B3GALT5: variants seen among roughly 807,000 people sequenced by gnomAD.
B3GALT5 encodes beta-1,3-galactosyltransferase 5, also known as UDP-Gal:betaGlcNAc beta 1,3-galactosyltransferase, polypeptide 5.
For synonymous variants in B3GALT5, 156 were observed against 158.6 expected (o/e 0.98, Z 0.12); for missense variants, 328 against 396.6 (o/e 0.83, Z 1.47).
Position 39,642,873 on chromosome 21 carries a change from CAAAA to C in B3GALT5, c.-391-3504_-391-3501del, listed in dbSNP as rs1210751363. Among the ~76,000 whole-genome samples the C allele has an allele frequency of 6.1e-3, 613 of 100,080 alleles. 7 individuals are homozygous for C. Among genetic ancestry groups the C allele is most frequent in the African/African-American group, 0.019 (581 of 29,980 alleles). 65.7% of individuals were successfully genotyped at this position (100,080 alleles called of 152,430 possible). A position where few individuals can be genotyped will look rare whatever the true frequency, so the allele number is the denominator to read the frequency against. On this transcript the variant is annotated intron_variant, in intron 1 of 3. Coordinates refer to ENST00000684187, the MANE Select transcript of B3GALT5 (RefSeq NM_001356336.2). Reference sequence around the variant, plus strand: ...CAACATAACGAGACTCCCATTGCCACAAAAAAAAAAAAAAAAAAGAAAAGAAAAG... The same window carrying C: ...CAACATAACGAGACTCCCATTGCCACAAAAAAAAAAAAAAGAAAAGAAAAG...
chr21:39,618,255 A>C (rs1001278821), intron 1 of B3GALT5, among the ~76,000 whole-genome samples: 2 of 152,220 alleles, frequency 1.3e-5, no homozygotes, highest in African/African-American at 4.8e-5. Context: ...AAAATGCTAT[A>C]ATAAACATTC....
Position 39,664,029 on chromosome 21 carries a change from T to C in B3GALT5, c.*2537T>C, listed in dbSNP as rs2079555183. On this transcript the variant is annotated 3_prime_UTR_variant, in exon 4 of 4. Coordinates refer to ENST00000684187, the MANE Select transcript of B3GALT5 (RefSeq NM_001356336.2). ...GGCAGGTGCTGAGCTAGGGGCTGTG[T>C]AGGTATTGCCTCATCTACATGCTCT... The C allele has an allele frequency of 6.6e-6, 1 of 152,338 alleles. No homozygotes were observed. Among genetic ancestry groups the C allele is most frequent in the Admixed American group, 6.5e-5 (1 of 15,288 alleles). The allele number at this position is 152,338 out of a possible 1,614,324, so 9.4% of individuals were successfully genotyped here. A position where few individuals can be genotyped will look rare whatever the true frequency, so the allele number is the denominator to read the frequency against.
intron 2 of B3GALT5, among the ~76,000 whole-genome samples, chr21:39,658,419 T>C (rs897878680): frequency 2.6e-5 from 4 of 152,110 alleles, no homozygotes; most frequent in African/African-American, 7.2e-5. Context: ...AAGCAACCCA[T>C]AGAAAAGGAG....
At chr21:39,648,184 A>G (rs977732155) in intron 2 of B3GALT5, among the ~76,000 whole-genome samples, 1 of 152,204 alleles carries the variant, frequency 6.6e-6, no homozygotes, top group Non-Finnish European at 1.5e-5. Flanking sequence ...AAAATCATTC[A>G]GTGTTATTTG....
intron 1 of B3GALT5, among the ~76,000 whole-genome samples, 200 bp from the exon 2 acceptor site, chr21:39,646,192 T>C (rs1183558104): frequency 6.6e-6 from 1 of 152,092 alleles, no homozygotes; most frequent in East Asian, 1.9e-4. Context: ...GGACTACTGC[T>C]TCTCAACACT....
At chr21:39,656,620 T>C (rs895387078) in intron 2 of B3GALT5, among the ~76,000 whole-genome samples, 5 of 152,188 alleles carry the variant, frequency 3.3e-5, no homozygotes, top group African/African-American at 2.4e-5. Flanking sequence ...AGGAAGTGCA[T>C]CTTGAACTTA....
At chr21:39,660,468 A>G in intron 3 of B3GALT5, 92 bp from the exon 4 acceptor site, 1 of 1,138,926 alleles carries the variant, frequency 8.8e-7, no homozygotes, top group Middle Eastern at 2.2e-4. Flanking sequence ...TTTCCAAAAC[A>G]CGGGTCTCCT....
rs762547834 is a variant in B3GALT5 at position 39,661,463 on chromosome 21, T to TC, written c.907dup (p.Arg303ProfsTer22). On this transcript the variant is annotated frameshift_variant, in exon 4 of 4. Coordinates refer to ENST00000684187, the MANE Select transcript of B3GALT5 (RefSeq NM_001356336.2). LOFTEE classifies it high-confidence loss of function. The surrounding 1 kb of genome is among the most constrained non-coding windows in gnomAD (Gnocchi z 4.7). ...GGACTACTGGCAGGCTCTAGAGAAT[T>TC]CCCGGGGGGAAGATTGTCCGCCTGT... The TC allele has an allele frequency of 2.0e-6, 3 of 1,510,302 alleles. No homozygotes were observed. The highest frequency in any genetic ancestry group is 1.4e-5 in the African/African-American group (1 of 71,566). The allele number at this position is 1,510,302 out of a possible 1,614,324, so 93.6% of individuals were successfully genotyped here. A position where few individuals can be genotyped will look rare whatever the true frequency, so the allele number is the denominator to read the frequency against.
intron 3 of B3GALT5, 93 bp from the exon 4 acceptor site, chr21:39,660,467 C>A: frequency 8.8e-7 from 1 of 1,134,444 alleles, no homozygotes; most frequent in Non-Finnish European, 1.2e-6. Context: ...GTTTCCAAAA[C>A]ACGGGTCTCC....
chr21:39,630,366 A>AG (rs543479509), intron 1 of B3GALT5: 2 of 152,068 alleles, frequency 1.3e-5, no homozygotes, highest in African/African-American at 2.4e-5. Flanking sequence ...CAAATGTTGG[A>AG]GGGGGGTTTT....
chr21:39,635,661 G>A (rs981860757), intron 1 of B3GALT5, among the ~76,000 whole-genome samples: 1 of 152,016 alleles, frequency 6.6e-6, no homozygotes, highest in East Asian at 1.9e-4. Flanking sequence ...TATTTTTTTA[G>A]TAAAGACAGG....
At chr21:39,660,426 A>G in intron 3 of B3GALT5, 134 bp from the exon 4 acceptor site, 1 of 644,428 alleles carries the variant, frequency 1.6e-6, no homozygotes. Context: ...ACCACACAGC[A>G]CCCGACTTCT....
In B3GALT5 at chr21:39,666,719, A is replaced by T. The variant is rs987375; in HGVS notation, c.*5227A>T. 1.3e-5 allele frequency: 2 copies of T among 152,438 alleles called. No homozygotes were observed. The highest frequency in any genetic ancestry group is 3.9e-4 in the East Asian group (2 of 5,184). The allele number at this position is 152,438 out of a possible 1,614,324, so 9.4% of individuals were successfully genotyped here. A position where few individuals can be genotyped will look rare whatever the true frequency, so the allele number is the denominator to read the frequency against. On this transcript the variant is annotated 3_prime_UTR_variant, in exon 4 of 4. Transcript: ENST00000684187. ...CAAAACAAAACCCTAAATGTATTTA[A>T]TTCCTGCTCCTCTTCAAACACACCA... is the stretch of plus-strand genomic sequence containing the variant.
intron 1 of B3GALT5, among the ~76,000 whole-genome samples, chr21:39,624,025 C>T (rs1414003406): frequency 6.6e-6 from 1 of 152,162 alleles, no homozygotes; most frequent in Non-Finnish European, 1.5e-5. Flanking sequence ...GAATGATTCT[C>T]CTTTCAGTCA....
At chr21:39,620,816 TG>T (rs1356619334) in intron 1 of B3GALT5, among the ~76,000 whole-genome samples, 7 of 152,202 alleles carry the variant, frequency 4.6e-5, no homozygotes, top group Non-Finnish European at 8.8e-5. Flanking sequence ...CCCGAGATTT[TG>T]GGGTTGTTTG....
chr21:39,632,901 G>C (rs1347389089), intron 1 of B3GALT5, among the ~76,000 whole-genome samples: 3 of 152,192 alleles, frequency 2.0e-5, no homozygotes, highest in Non-Finnish European at 4.4e-5. Flanking sequence ...ATATGTTTCA[G>C]ATGATTTATT....
At position 39,661,364 on chromosome 21, in the gene B3GALT5, G is replaced by A; in HGVS notation, c.805G>A (p.Gly269Arg). The A allele has an allele frequency of 6.2e-7, 1 of 1,608,254 alleles. No homozygotes were observed. Among genetic ancestry groups the A allele is most frequent in the Middle Eastern group, 1.7e-4 (1 of 6,020 alleles). The change falls in exon 4 of 4, where the codon GGG becomes AGG. Residue 269 changes from glycine (G) to arginine (R), a missense_variant. By Grantham distance (125) the Gly-to-Arg change is moderately radical (BLOSUM62 -2). Coordinates refer to ENST00000684187, the MANE Select transcript of B3GALT5 (RefSeq NM_001356336.2). This position sits in a 1 kb window ranked among gnomAD's most constrained non-coding sequence, Gnocchi z 4.7. ...CCACTCCCAGCCGACCTTTTTTCCAGGGGGCTTACGCTTCTCCGTATGCCT... is the reference window on the plus strand; with the variant it reads ...CCACTCCCAGCCGACCTTTTTTCCAAGGGGCTTACGCTTCTCCGTATGCCT... ...ELHSQPTFFP[G>R]GLRFSVCLFR...
intron 2 of B3GALT5, among the ~76,000 whole-genome samples, chr21:39,650,550 C>T (rs2079384797): frequency 6.6e-6 from 1 of 152,162 alleles, no homozygotes; most frequent in African/African-American, 2.4e-5. Context: ...AGAAACCATT[C>T]CTCCCTGGGT....
chr21:39,624,269 T>C (rs1011140754), intron 1 of B3GALT5, among the ~76,000 whole-genome samples: 3 of 152,230 alleles, frequency 2.0e-5, no homozygotes, highest in Non-Finnish European at 2.9e-5. Flanking sequence ...TTTGGTGTTT[T>C]TCCCTGGCCA....
Sources: allele counts gnomAD v4.1 joint callset (sites outside exome capture counted in the v4.1 genomes callset), GRCh38; gene constraint gnomAD v4.1.1; non-coding constraint Gnocchi (gnomAD v3.1); transcripts MANE v1.5; gene names NCBI Gene and HGNC (gene_info 2026-07-23, HGNC 2026-07-21).